MTUS2: variants seen among roughly 807,000 people sequenced by gnomAD.
MTUS2 encodes microtubule-associated tumor suppressor candidate 2.
MTUS2 carries 40 observed loss-of-function variants against 114.1 expected under a neutral mutation model. The observed-to-expected ratio is 0.35, with a 90% CI of 0.27 to 0.46. The LOEUF (loss-of-function observed/expected upper bound fraction) is 0.46. Among genes scored for constraint, MTUS2 ranks in the 20% least tolerant of loss-of-function variants. The pLI is 1.00. For missense variants in MTUS2, 1,679 were observed against 1,705.4 expected (o/e 0.98, Z 0.27); for synonymous variants, 688 against 672.0 (o/e 1.02, Z -0.37).
In MTUS2 at chr13:29,071,409, A is replaced by ATTTTTTTTTTTTTTTTTT. The variant is rs751020009; in HGVS notation, c.2447-29347_2447-29330dup. On this transcript the variant is annotated intron_variant, in intron 4 of 15. Coordinates refer to ENST00000612955, the MANE Select transcript of MTUS2 (RefSeq NM_001033602.4). ...TTTAAAAGATCTCTATGTTGCTTGA[A>ATTTTTTTTTTTTTTTTTT]TTTTTTTTTTTTTTTTTTTTTTTTT... Among the ~76,000 whole-genome samples, 25 of 46,142 alleles carry ATTTTTTTTTTTTTTTTTT rather than the reference A, an allele frequency of 5.4e-4. 2 individuals carry two copies. The highest frequency in any genetic ancestry group is 1.8e-3 in the East Asian group (2 of 1,106). 30.3% of individuals were successfully genotyped at this position (46,142 alleles called of 152,430 possible). A position where few individuals can be genotyped will look rare whatever the true frequency, so the allele number is the denominator to read the frequency against.
At chr13:28,889,353 A>G (rs918604385) in intron 2 of MTUS2, among the ~76,000 whole-genome samples, 12 of 152,190 alleles carry the variant, frequency 7.9e-5, no homozygotes, top group Admixed American at 3.3e-4. Context: ...CCACAGTAGC[A>G]TTTTCTCTTC....
At chr13:29,179,439 A>G (rs1223519396) in intron 5 of MTUS2, among the ~76,000 whole-genome samples, 2 of 152,214 alleles carry the variant, frequency 1.3e-5, no homozygotes, top group Non-Finnish European at 2.9e-5. Flanking sequence ...GGTTTCGAGG[A>G]CAATGCCATT....
In MTUS2 at chr13:29,436,723, A is replaced by G. The variant is rs997665812; in HGVS notation, c.3118-3260A>G. On this transcript the variant is annotated intron_variant, in intron 8 of 15. Transcript: ENST00000612955. ...TGTTTTAATAGCCTCTGCTTCCCCA[A>G]ATGGAGATGGTACAAGGTCTCTAAT... Among the ~76,000 whole-genome samples the G allele has an allele frequency of 2.6e-5, 4 of 151,516 alleles. No individual in the cohort carries two copies. In the South Asian group the frequency reaches 6.3e-4, roughly 24 times the overall value.
intron 7 of MTUS2, among the ~76,000 whole-genome samples, chr13:29,332,841 T>C (rs1360624234): frequency 6.6e-6 from 1 of 152,082 alleles, no homozygotes; most frequent in Non-Finnish European, 1.5e-5. Flanking sequence ...TTCACTGTGT[T>C]AGCCAGGATG....
chr13:29,053,668 A>G (rs1039525524), intron 4 of MTUS2, among the ~76,000 whole-genome samples: 2 of 152,154 alleles, frequency 1.3e-5, no homozygotes, highest in African/African-American at 2.4e-5. Flanking sequence ...ATCATACAGT[A>G]TGTACTGTTT....
chr13:29,407,852 A>G (rs182104716), intron 8 of MTUS2, among the ~76,000 whole-genome samples: 1 of 152,286 alleles, frequency 6.6e-6, no homozygotes, highest in East Asian at 1.9e-4. Flanking sequence ...GCCAACTGAG[A>G]TATCATCAGA....
At chr13:29,276,947 GAAT>G (rs1451602181) in intron 5 of MTUS2, among the ~76,000 whole-genome samples, 19 of 151,988 alleles carry the variant, frequency 1.3e-4, no homozygotes, top group African/African-American at 4.6e-4. Context: ...TAAGAAAAAA[GAAT>G]AATATAGGGA....
chr13:28,874,265 TG>T (rs1436214084), intron 2 of MTUS2, among the ~76,000 whole-genome samples: 1 of 152,212 alleles, frequency 6.6e-6, no homozygotes, highest in Non-Finnish European at 1.5e-5. Flanking sequence ...CCTCCCAAAG[TG>T]CAGGATTACA....
chr13:28,912,836 A>T (rs1880523212), intron 2 of MTUS2, among the ~76,000 whole-genome samples: 1 of 152,038 alleles, frequency 6.6e-6, no homozygotes, highest in Non-Finnish European at 1.5e-5. Context: ...TTGTTGGTTT[A>T]TTGGAATGCT....
chr13:29,081,041 T>G (rs564332802), intron 4 of MTUS2, among the ~76,000 whole-genome samples: 8 of 152,172 alleles, frequency 5.3e-5, no homozygotes, highest in Non-Finnish European at 8.8e-5. Context: ...GTTAATCTCC[T>G]TTGGCAATGC....
At chr13:29,441,936 A>AC (rs1345449882) in intron 9 of MTUS2, among the ~76,000 whole-genome samples, 2 of 151,748 alleles carry the variant, frequency 1.3e-5, no homozygotes, top group Non-Finnish European at 2.9e-5. Flanking sequence ...AACTGCAAAG[A>AC]CCCCCTTCTC....
intron 5 of MTUS2, among the ~76,000 whole-genome samples, chr13:29,176,394 G>A (rs1381514568): frequency 6.6e-6 from 1 of 152,102 alleles, no homozygotes; most frequent in African/African-American, 2.4e-5. Context: ...TATTGTCCCG[G>A]CACTCCCTAC....
intron 5 of MTUS2, among the ~76,000 whole-genome samples, chr13:29,129,530 T>A (rs1377825419): frequency 2.0e-5 from 3 of 151,966 alleles, no homozygotes; most frequent in Non-Finnish European, 4.4e-5. Context: ...ATGACTGTTT[T>A]CTTTCCATTT....
At chr13:29,178,381 TG>T (rs1178153940) in intron 5 of MTUS2, among the ~76,000 whole-genome samples, 15 of 152,350 alleles carry the variant, frequency 9.8e-5, no homozygotes, top group African/African-American at 2.9e-4. Context: ...AAAAGAATTT[TG>T]GAATAATCTT....
chr13:28,887,058 G>T (rs1878633015), intron 2 of MTUS2, among the ~76,000 whole-genome samples: 1 of 152,218 alleles, frequency 6.6e-6, no homozygotes, highest in Non-Finnish European at 1.5e-5. Flanking sequence ...TCGAGTTGGA[G>T]ATCAGCGGAG....
chr13:28,916,502 G>A (rs1246116833), intron 2 of MTUS2, among the ~76,000 whole-genome samples: 2 of 151,578 alleles, frequency 1.3e-5, no homozygotes, highest in African/African-American at 4.8e-5. Context: ...TTATTGTAGA[G>A]ATCATTTACT....
intron 3 of MTUS2, among the ~76,000 whole-genome samples, chr13:29,027,513 G>T (rs1204063211): frequency 2.0e-5 from 3 of 152,250 alleles, no homozygotes; most frequent in African/African-American, 7.2e-5. Context: ...ATTCCCTGAG[G>T]GTTGGTATTG....
chr13:28,942,339 T>A (rs1233914361), intron 2 of MTUS2, among the ~76,000 whole-genome samples: 1 of 152,144 alleles, frequency 6.6e-6, no homozygotes, highest in Non-Finnish European at 1.5e-5. Context: ...ATAGCAATAT[T>A]GACAATATTG....
intron 2 of MTUS2, among the ~76,000 whole-genome samples, chr13:28,918,062 C>T (rs984223595): frequency 8.6e-5 from 13 of 151,284 alleles, no homozygotes; most frequent in South Asian, 2.1e-4. Flanking sequence ...TATTTATTTT[C>T]GAACGCTGTA....
Sources: allele counts gnomAD v4.1 joint callset (sites outside exome capture counted in the v4.1 genomes callset), GRCh38; gene constraint gnomAD v4.1.1; transcripts MANE v1.5; gene names NCBI Gene and HGNC (gene_info 2026-07-23, HGNC 2026-07-21).